Variants in KLHL20 observed in about 807,000 individuals in gnomAD.
KLHL20 encodes kelch-like protein 20.
A neutral mutation model predicts 69.5 loss-of-function variants in KLHL20; 29 were observed. The ratio of observed to expected loss-of-function variants is 0.42; its 90% confidence interval spans 0.31 to 0.57. The LOEUF is 0.57. KLHL20 is among the 20% of genes least tolerant of loss of function. The probability of loss-of-function intolerance (pLI) is 0.18; values close to 1 mark genes in which losing one functional copy is unlikely to be tolerated. For synonymous variants in KLHL20, 253 were observed against 265.2 expected (o/e 0.95, Z 0.45); for missense variants, 419 against 776.0 (o/e 0.54, Z 5.47).
chr1:173,751,358 T>C (rs1173126205), intron 3 of KLHL20, among the ~76,000 whole-genome samples: 1 of 152,188 alleles, frequency 6.6e-6, no homozygotes, highest in Non-Finnish European at 1.5e-5. Context: ...GACACTCTTA[T>C]TCTTTTTTGA....
Position 173,774,355 on chromosome 1 carries a change from G to A in KLHL20, c.1346G>A (p.Arg449Lys). Residue 449 changes from arginine to lysine, a missense_variant, in exon 9 of 12, where the codon AGA (arginine) becomes AAA (lysine). Physicochemically the swap from Arg to Lys is conservative, Grantham distance 26. Around this residue, in one of 6 missense-constraint regions of KLHL20, gnomAD observed 56 missense variants for 75.9 expected, o/e 0.74. Transcript: ENST00000209884. ...ACTCGGGTAGCTTCTATGAGTACCA[G>A]AAGACTAGGTGTGGCTGTGGCTGTG... ...KWTRVASMSTRRLGVAVAVLG... is the reference protein window; with the variant it reads ...KWTRVASMSTKRLGVAVAVLG... 1 of 1,614,172 alleles carries A rather than the reference G, an allele frequency of 6.2e-7. No individual in the cohort carries two copies. Among genetic ancestry groups the A allele is most frequent in the Non-Finnish European group, 8.5e-7 (1 of 1,180,028 alleles).
intron 2 of KLHL20, 26 bp downstream of exon 2, chr1:173,716,092 G>A (rs202041825): frequency 6.2e-7 from 1 of 1,609,446 alleles, no homozygotes; most frequent in African/African-American, 1.3e-5. Flanking sequence ...GAAAACCTTT[G>A]GTTTCACTGA....
At chr1:173,753,659 A>G (rs189872341) in intron 5 of KLHL20, among the ~76,000 whole-genome samples, 17 of 152,198 alleles carry the variant, frequency 1.1e-4, no homozygotes, top group Non-Finnish European at 1.0e-4. Flanking sequence ...GACTCTGTCA[A>G]TGAACATTTT....
intron 2 of KLHL20, among the ~76,000 whole-genome samples, chr1:173,729,677 T>C (rs1324744961): frequency 2.0e-5 from 3 of 152,158 alleles, no homozygotes; most frequent in Non-Finnish European, 4.4e-5. Context: ...TCAACAACCT[T>C]CATGCTAAAA....
At chr1:173,752,568 A>G (rs1673362075) in intron 4 of KLHL20, among the ~76,000 whole-genome samples, 1 of 152,190 alleles carries the variant, frequency 6.6e-6, no homozygotes, top group Admixed American at 6.5e-5. Context: ...ATACTACCAC[A>G]CTTTCAAGAG....
At chr1:173,726,674 C>T (rs1671980499) in intron 2 of KLHL20, among the ~76,000 whole-genome samples, 1 of 152,202 alleles carries the variant, frequency 6.6e-6, no homozygotes, top group Admixed American at 6.5e-5. Context: ...TCCAACAGAC[C>T]TGCAGCTGAG....
intron 7 of KLHL20, among the ~76,000 whole-genome samples, chr1:173,761,056 T>C (rs1304986631): frequency 6.6e-6 from 1 of 152,118 alleles, no homozygotes; most frequent in African/African-American, 2.4e-5. Flanking sequence ...TTAATGCAAA[T>C]GGACACCAAA....
At chr1:173,763,071 A>C (rs904998031) in intron 7 of KLHL20, among the ~76,000 whole-genome samples, 3 of 152,190 alleles carry the variant, frequency 2.0e-5, no homozygotes, top group Non-Finnish European at 4.4e-5. Context: ...TAGCTCTTCT[A>C]TACACCAACA....
chr1:173,756,014 C>T lies in KLHL20; in HGVS notation c.943C>T (p.Arg315Ter). 1.9e-6 allele frequency: 3 copies of T among 1,613,506 alleles called. No homozygotes were observed. Among genetic ancestry groups the T allele is most frequent in the Admixed American group, 1.7e-5 (1 of 60,000 alleles). Residue 315 changes from arginine to a stop codon, truncating the protein, a stop_gained, in exon 6 of 12, where the codon CGA becomes TGA. Transcript: ENST00000209884. LOFTEE classifies it high-confidence loss of function. Reference sequence around the variant, plus strand: ...AAGGACGAGACCACGGAAACCTATCCGATGTGGGGAAGTACTCTTTGCAGG... The same window carrying T: ...AAGGACGAGACCACGGAAACCTATCTGATGTGGGGAAGTACTCTTTGCAGG... ...GPRTRPRKPI[R>*]CGEVLFAVGG...
intron 3 of KLHL20, chr1:173,741,793 G>A (rs540615561): frequency 1.9e-6 from 3 of 1,540,392 alleles, no homozygotes; most frequent in Admixed American, 3.4e-5. Context: ...TGCCCAGGAT[G>A]CTATAAAATC....
chr1:173,745,729 C>T (rs1673029497), intron 3 of KLHL20, among the ~76,000 whole-genome samples: 1 of 151,976 alleles, frequency 6.6e-6, no homozygotes, highest in South Asian at 2.1e-4. Context: ...TGCTTGATAA[C>T]TCTAGTAAAA....
intron 8 of KLHL20, among the ~76,000 whole-genome samples, chr1:173,770,728 A>T (rs1223499323): frequency 1.3e-5 from 2 of 151,942 alleles, no homozygotes; most frequent in Non-Finnish European, 2.9e-5. Flanking sequence ...ATACCATTTG[A>T]GAGATAGTAA....
intron 7 of KLHL20, 149 bp from the exon 8 acceptor site, chr1:173,765,997 C>A: frequency 1.9e-6 from 1 of 524,318 alleles, no homozygotes; most frequent in South Asian, 8.5e-5. Flanking sequence ...AAAACACAAA[C>A]CAGATTTTCA....
rs566830818 is a variant in KLHL20, at chr1:173,719,021, C to T, written c.23+2955C>T. The stretch of plus-strand genomic sequence containing the variant: ...TCGGGAGGCTGAGGCAGGAGAATGG[C>T]GTGAACCTGGGAGGCGGAGCTTGCA... On this transcript the variant is annotated intron_variant, in intron 2 of 11. Transcript: ENST00000209884. Among the ~76,000 whole-genome samples, 17 of 144,976 alleles carry T rather than the reference C, an allele frequency of 1.2e-4. No individual in the cohort carries two copies. The East Asian group carries it at 2.3e-3, about 20-fold the overall frequency.
intron 10 of KLHL20, among the ~76,000 whole-genome samples, chr1:173,777,758 T>C (rs985889502): frequency 2.0e-5 from 3 of 152,198 alleles, no homozygotes; most frequent in African/African-American, 7.2e-5. Flanking sequence ...CCTGGGATAA[T>C]TTCTACCTGG....
chr1:173,764,520 T>C (rs1016539316), intron 7 of KLHL20, among the ~76,000 whole-genome samples: 8 of 152,186 alleles, frequency 5.3e-5, no homozygotes, highest in Non-Finnish European at 1.0e-4. Flanking sequence ...GTGGTGTATA[T>C]AGACGATGGA....
intron 2 of KLHL20, among the ~76,000 whole-genome samples, chr1:173,729,676 T>G (rs942103261): frequency 6.6e-6 from 1 of 152,116 alleles, no homozygotes; most frequent in East Asian, 1.9e-4. Flanking sequence ...TTCAACAACC[T>G]TCATGCTAAA....
intron 5 of KLHL20, 46 bp downstream of exon 5, chr1:173,753,353 AT>A (rs761150587): frequency 2.2e-6 from 3 of 1,385,342 alleles, no homozygotes; most frequent in East Asian, 2.3e-5. Context: ...AAGCATTCCT[AT>A]TTTTTCCTAA....
intron 10 of KLHL20, among the ~76,000 whole-genome samples, chr1:173,776,450 C>T (rs1001588290): frequency 1.3e-5 from 2 of 151,896 alleles, no homozygotes; most frequent in Non-Finnish European, 2.9e-5. Context: ...TCTATTTTTT[C>T]TTTGGTTGCC....
Sources: allele counts gnomAD v4.1 joint callset (sites outside exome capture counted in the v4.1 genomes callset), GRCh38; gene constraint gnomAD v4.1.1; regional missense constraint gnomAD v4.1.1; transcripts MANE v1.5; gene names NCBI Gene and HGNC (gene_info 2026-07-23, HGNC 2026-07-21).